The following ZNF442 variants were observed in gnomAD, a reference collection of about 807,000 sequenced individuals.
ZNF442 encodes the protein zinc finger protein 442.
In ZNF442, 45 loss-of-function variants were observed where a neutral mutation model predicts 57.0. That is an observed-to-expected ratio of 0.79 (90% CI 0.62 to 1.01). ZNF442 has a LOEUF of 1.01. ZNF442 is among the 50% of genes least tolerant of loss of function. The pLI is 0.00. For synonymous variants in ZNF442, 213 were observed against 241.8 expected, an observed-to-expected ratio of 0.88 and a Z score of 1.10; for missense variants, 690 against 756.5, an observed-to-expected ratio of 0.91 and a Z score of 1.03.
intron 3 of ZNF442, 106 bp downstream of exon 3, chr19:12,363,448 C>T (rs933029124): frequency 9.1e-7 from 1 of 1,104,858 alleles, no homozygotes; most frequent in African/African-American, 1.5e-5. Context: ...GACCACCCAC[C>T]ACCACCCCAG....
At chr19:12,372,929 A>T in the ZNF442 span, among the ~76,000 whole-genome samples, 1 of 152,140 alleles carries the variant, frequency 6.6e-6, no homozygotes, top group Non-Finnish European at 1.5e-5. Context: ...ACATGCCACC[A>T]TGCCCAGCTA....
intron 3 of ZNF442, among the ~76,000 whole-genome samples, chr19:12,363,342 G>T (rs747240098): frequency 1.3e-5 from 2 of 152,060 alleles, no homozygotes; most frequent in Non-Finnish European, 2.9e-5. Flanking sequence ...GGGATGGGCA[G>T]CACTGACTCG....
intron 3 of ZNF442, among the ~76,000 whole-genome samples, chr19:12,361,569 G>T (rs1969425729): frequency 6.6e-6 from 1 of 152,112 alleles, no homozygotes; most frequent in Non-Finnish European, 1.5e-5. Context: ...TCACTGTTAA[G>T]CCCTGAAATT....
rs961327705 is a variant in ZNF442 at position 12,349,582 on chromosome 19, C to G, written c.*119G>C. On this transcript the variant is annotated 3_prime_UTR_variant, in exon 6 of 6. Transcript: ENST00000242804. ...CCCCTGCATATGGTTAGGGGATAACCATATTCAAAAGAAACATCTTAAGGC... is the reference window on the plus strand; with the variant it reads ...CCCCTGCATATGGTTAGGGGATAACGATATTCAAAAGAAACATCTTAAGGC... 7.6e-6 allele frequency: 8 copies of G among 1,054,254 alleles called. No individual in the cohort carries two copies. Among genetic ancestry groups the G allele is most frequent in the Non-Finnish European group, 1.1e-5 (8 of 744,864 alleles). 65.3% of individuals were successfully genotyped at this position (1,054,254 alleles called of 1,614,324 possible).
intron 3 of ZNF442, among the ~76,000 whole-genome samples, chr19:12,362,999 CA>C (rs1023788604): frequency 6.4e-5 from 9 of 141,108 alleles, no homozygotes; most frequent in Admixed American, 7.0e-5. Flanking sequence ...AAAAACAAAA[CA>C]AAAAAAAAAT....
At chr19:12,368,032 T>C (rs1378721440), upstream of ZNF442, among the ~76,000 whole-genome samples, 1 of 152,198 alleles carries the variant, frequency 6.6e-6, no homozygotes, top group Non-Finnish European at 1.5e-5. Flanking sequence ...TACTCACATG[T>C]CCGTCTATAG....
chr19:12,350,875 T>C lies in ZNF442; in HGVS notation c.710A>G (p.Tyr237Cys), dbSNP rs138150810. The part of the protein sequence containing the change: ...HERTHTGEKP[Y>C]ECKQCCKAFP... ...GGCTTTACAACACTGCTTACATTCA[T>C]ACGGTTTCTCTCCAGTGTGAGTTCT... The change falls in exon 6 of 6, where the codon TAT becomes TGT. Residue 237 changes from tyrosine to cysteine, a missense_variant. Tyr to Cys is a radical substitution (Grantham distance 194). Coordinates refer to ENST00000242804, the MANE Select transcript of ZNF442 (RefSeq NM_030824.3). The C allele has an allele frequency of 1.2e-4, 190 of 1,614,070 alleles. No individual in the cohort carries two copies. The highest frequency in any genetic ancestry group is 1.2e-4 in the Non-Finnish European group (147 of 1,180,022).
At chr19:12,358,718 T>C (rs763856030) in intron 3 of ZNF442, among the ~76,000 whole-genome samples, 2 of 152,332 alleles carry the variant, frequency 1.3e-5, no homozygotes, top group Admixed American at 6.5e-5. Context: ...TGACCTGTAG[T>C]GTCTTACCTC....
chr19:12,366,346 G>A (rs1174290961), upstream of ZNF442, among the ~76,000 whole-genome samples: 1 of 152,174 alleles, frequency 6.6e-6, no homozygotes, highest in Admixed American at 6.5e-5. Context: ...CCCCTTTCAG[G>A]AGGTTAAACA....
At chr19:12,371,702 C>T in the ZNF442 span, among the ~76,000 whole-genome samples, 1 of 152,146 alleles carries the variant, frequency 6.6e-6, no homozygotes, top group Admixed American at 6.6e-5. Flanking sequence ...GGGGAAAAGA[C>T]TTCCTATTCA....
chr19:12,360,245 G>C (rs7254259), intron 3 of ZNF442, among the ~76,000 whole-genome samples: 7,376 of 152,166 alleles, frequency 0.048, 595 homozygotes, highest in African/African-American at 0.17. Context: ...TTAGCTAAAT[G>C]CAGATTTATT....
intron 3 of ZNF442, among the ~76,000 whole-genome samples, chr19:12,360,819 G>T (rs1238282525): frequency 6.6e-6 from 1 of 152,156 alleles, no homozygotes; most frequent in African/African-American, 2.4e-5. Flanking sequence ...GGTGATGCTC[G>T]CAGTAAGCCA....
chr19:12,358,024 G>A (rs144699992), intron 3 of ZNF442, among the ~76,000 whole-genome samples: 7,209 of 150,024 alleles, frequency 0.048, 580 homozygotes, highest in African/African-American at 0.17. Context: ...GTGCAATGGC[G>A]CGATCTCGGC....
In ZNF442 at chr19:12,350,663, G is replaced by A. The variant is rs1187107808; in HGVS notation, c.922C>T (p.Leu308Phe). Residue 308 changes from leucine to phenylalanine, a missense_variant, in exon 6 of 6, where the codon CTT (leucine) becomes TTT (phenylalanine). Transcript: ENST00000242804. ...CGRAFSVSSS[L>F]RIHERTHTGE... ...GTGTGAGTTCTTTCATGTATTCGAA[G>A]GGAACTGGAAACACTGAAGGCTCTT... The A allele has an allele frequency of 6.2e-7, 1 of 1,612,700 alleles. No individual in the cohort carries two copies. Among genetic ancestry groups the A allele is most frequent in the Non-Finnish European group, 8.5e-7 (1 of 1,179,700 alleles).
chr19:12,351,323 A>ATGAT lies in ZNF442; in HGVS notation c.267-6_267-5insATCA. On this transcript the variant is annotated splice_polypyrimidine_tract_variant and splice_region_variant and intron_variant, in intron 5 of 5. Coordinates refer to ENST00000242804, the MANE Select transcript of ZNF442 (RefSeq NM_030824.3). ...AATCTCTCTATGATATGACATCTGT[A>ATGAT]AAACATGAGAAGTATATTAATAAAG... 1 of 1,603,334 alleles carries ATGAT rather than the reference A, an allele frequency of 6.2e-7. No homozygotes were observed. Among genetic ancestry groups the ATGAT allele is most frequent in the Non-Finnish European group, 8.5e-7 (1 of 1,174,426 alleles).
intron 3 of ZNF442, among the ~76,000 whole-genome samples, chr19:12,360,474 A>G (rs1417803756): frequency 6.6e-6 from 1 of 152,232 alleles, no homozygotes; most frequent in Non-Finnish European, 1.5e-5. Context: ...CTCAACTGGG[A>G]GTCACCGGCC....
At chr19:12,357,353 T>C (rs981983366) in intron 3 of ZNF442, among the ~76,000 whole-genome samples, 14 of 133,304 alleles carry the variant, frequency 1.1e-4, no homozygotes, top group East Asian at 4.1e-4. Flanking sequence ...TTCTTTCTTT[T>C]TTTTTTTTTT....
Position 12,350,603 on chromosome 19 carries a change from T to C in ZNF442, c.982A>G (p.Lys328Glu). Residue 328 changes from lysine (K) to glutamate (E), a missense_variant, in exon 6 of 6, where the codon AAA (lysine) becomes GAA (glutamate). Physicochemically the swap from Lys to Glu is moderately conservative, Grantham distance 56 (BLOSUM62 1). Coordinates refer to ENST00000242804, the MANE Select transcript of ZNF442 (RefSeq NM_030824.3). ...EKPYECKQCG[K>E]AFHHLGSFQR... ...AAGCTTCCCAGATGATGAAATGCTT[T>C]CCCGCATTGCTTGCATTCATAGGGT... 6.2e-7 allele frequency: 1 copy of C among 1,613,980 alleles called. No homozygotes were observed. The highest frequency in any genetic ancestry group is 1.7e-5 in the Admixed American group (1 of 60,018).
Position 12,353,089 on chromosome 19 carries a change from G to T in ZNF442, c.104C>A (p.Ala35Glu). The stretch of plus-strand genomic sequence containing the variant: ...CCACTCTTCCTGGGTGAAGTTCACC[G>T]CCACATCCTCAAAGGCTACTGAATC... ...QYDSVAFEDVAVNFTQEEWAL... is the reference protein window; with the variant it reads ...QYDSVAFEDVEVNFTQEEWAL... Residue 35 changes from alanine to glutamate, a missense_variant, in exon 4 of 6, where the codon GCG (alanine) becomes GAG (glutamate). Transcript: ENST00000242804. 6.2e-7 allele frequency: 1 copy of T among 1,613,032 alleles called. No homozygotes were observed. The highest frequency in any genetic ancestry group is 2.2e-5 in the East Asian group (1 of 44,796).
Sources: gnomAD v4.1 joint callset for allele counts (sites outside exome capture counted in the v4.1 genomes callset) on GRCh38, gnomAD v4.1.1 for gene constraint, MANE v1.5 for transcripts, NCBI Gene and HGNC (gene_info 2026-07-23, HGNC 2026-07-21) for gene names.